Variants in TRIM35 observed in about 807,000 individuals in gnomAD.
TRIM35 encodes tripartite motif containing 35.
TRIM35 carries 37 observed loss-of-function variants against 49.1 expected under a neutral mutation model. The observed-to-expected ratio is 0.75, with a 90% CI of 0.58 to 0.99. The LOEUF is 0.99. Ranked by LOEUF, TRIM35 falls within the 50% of genes least tolerant of loss-of-function variation. The pLI is 0.00. For missense variants in TRIM35, 648 were observed against 702.7 expected (o/e 0.92, Z 0.88); for synonymous variants, 302 against 289.3 (o/e 1.04, Z -0.45).
intron 2 of TRIM35, 106 bp from the exon 3 acceptor site, chr8:27,294,416 T>A: frequency 9.8e-7 from 1 of 1,024,036 alleles, no homozygotes; most frequent in Non-Finnish European, 1.4e-6. Context: ...AAATAAATCA[T>A]GTATAGAACC....
At position 27,311,230 on chromosome 8, in the gene TRIM35, C is replaced by T. The variant is rs1296235150; in HGVS notation, c.6G>A (p.Glu2=). The change falls in exon 1 of 6, where the codon GAG becomes GAA. Residue 2 remains glutamate, a synonymous_variant. Transcript: ENST00000305364. Reference sequence around the variant, plus strand: ...GCCCGGGGGACACGTCGGGACTCCGCTCCATGGCACGAGCAGCCGGCTCGG... The same window carrying T: ...GCCCGGGGGACACGTCGGGACTCCGTTCCATGGCACGAGCAGCCGGCTCGG... M[E]RSPDVSPGPS... 6 of 1,535,890 alleles carry T rather than the reference C, an allele frequency of 3.9e-6. No homozygotes were observed. Among genetic ancestry groups the T allele is most frequent in the Non-Finnish European group, 5.3e-6 (6 of 1,139,394 alleles).
chr8:27,294,120 A>G lies in TRIM35; in HGVS notation c.722T>C (p.Leu241Pro). 1.9e-6 allele frequency: 3 copies of G among 1,614,214 alleles called. No individual in the cohort carries two copies. Among genetic ancestry groups the G allele is most frequent in the South Asian group, 2.2e-5 (2 of 91,082 alleles). ...GTCGTCCTCCTTCATCTCCATCTGC[A>G]GCCGCTCGATCTCATGTGCCAGCAC... is the stretch of plus-strand genomic sequence containing the variant. ...TEVLAHEIER[L>P]QMEMKEDDVS... The change falls in exon 3 of 6, where the codon CTG becomes CCG. Residue 241 changes from leucine (L) to proline (P), a missense_variant. Leu to Pro is a moderately conservative substitution (Grantham distance 98). Transcript: ENST00000305364.
chr8:27,291,749 A>G (rs1427276655), intron 3 of TRIM35, among the ~76,000 whole-genome samples: 3 of 152,218 alleles, frequency 2.0e-5, no homozygotes, highest in Non-Finnish European at 2.9e-5. Context: ...CTGAAGCTGG[A>G]AAGTCCAAGA....
intron 2 of TRIM35, among the ~76,000 whole-genome samples, chr8:27,295,527 T>C (rs147116635): frequency 1.7e-3 from 260 of 152,310 alleles, no homozygotes; most frequent in African/African-American, 5.5e-3. Flanking sequence ...ACTAAAAACA[T>C]CATAGGTTAG....
intron 2 of TRIM35, 29 bp downstream of exon 2, chr8:27,298,435 C>A (rs77389621): frequency 0.041 from 66,254 of 1,606,578 alleles, 1,674 homozygotes; most frequent in Non-Finnish European, 0.049. Context: ...TGGACCCAAT[C>A]TTCCCACTTG....
intron 1 of TRIM35, among the ~76,000 whole-genome samples, chr8:27,303,029 A>G (rs1020766869): frequency 6.6e-6 from 1 of 152,162 alleles, no homozygotes; most frequent in Non-Finnish European, 1.5e-5. Context: ...AAAGCTTTCA[A>G]TGTTTTGCCA....
At chr8:27,305,691 G>A (rs1802769826) in intron 1 of TRIM35, among the ~76,000 whole-genome samples, 1 of 152,190 alleles carries the variant, frequency 6.6e-6, no homozygotes. Context: ...GAGGCTGGTG[G>A]CAAAGAATGG....
intron 3 of TRIM35, among the ~76,000 whole-genome samples, chr8:27,292,423 G>T (rs551366148): frequency 3.9e-5 from 6 of 152,152 alleles, no homozygotes; most frequent in African/African-American, 1.2e-4. Flanking sequence ...TCACTAAGAA[G>T]TGCATGATTA....
intron 1 of TRIM35, chr8:27,304,839 A>T (rs1316887443): frequency 6.6e-6 from 3 of 456,478 alleles, no homozygotes; most frequent in African/African-American, 4.0e-5. Flanking sequence ...GTTGGTAAAA[A>T]GTTCCTTCTC....
chr8:27,305,016 T>C (rs1802755984), intron 1 of TRIM35: 1 of 355,498 alleles, frequency 2.8e-6, no homozygotes, highest in African/African-American at 2.1e-5. Context: ...CAGGTGATCT[T>C]GAACATGTTC....
chr8:27,297,169 A>G (rs939268), intron 2 of TRIM35, among the ~76,000 whole-genome samples: 140,345 of 152,204 alleles, frequency 0.92, 64,885 homozygotes, highest in East Asian at 1. Context: ...TCCACAGCCA[A>G]ATGTTAATGA....
intron 3 of TRIM35, among the ~76,000 whole-genome samples, chr8:27,291,804 C>T (rs1014882616): frequency 6.6e-6 from 1 of 152,100 alleles, no homozygotes; most frequent in African/African-American, 2.4e-5. Context: ...TGTGTCATCC[C>T]ATGGCAGAAG....
At chr8:27,301,199 G>A (rs998362128) in intron 1 of TRIM35, among the ~76,000 whole-genome samples, 2 of 152,202 alleles carry the variant, frequency 1.3e-5, no homozygotes, top group Non-Finnish European at 2.9e-5. Context: ...ACTAAATTAT[G>A]CACTTTACAA....
At chr8:27,295,361 T>C (rs1313151872) in intron 2 of TRIM35, among the ~76,000 whole-genome samples, 1 of 152,180 alleles carries the variant, frequency 6.6e-6, no homozygotes, top group Admixed American at 6.5e-5. Flanking sequence ...GGAAAAACCA[T>C]TCAAAATGTG....
chr8:27,295,743 A>G (rs892364085), intron 2 of TRIM35, among the ~76,000 whole-genome samples: 3 of 152,222 alleles, frequency 2.0e-5, no homozygotes, highest in African/African-American at 7.2e-5. Context: ...ACCACAGTAA[A>G]GTCAAAAAAT....
intron 2 of TRIM35, among the ~76,000 whole-genome samples, chr8:27,294,718 T>C (rs1414293267): frequency 2.6e-5 from 4 of 152,228 alleles, no homozygotes. Context: ...GGACTTAAAA[T>C]TTGTCTGATC....
intron 2 of TRIM35, among the ~76,000 whole-genome samples, chr8:27,295,048 T>C (rs1802537943): frequency 6.6e-6 from 1 of 152,178 alleles, no homozygotes; most frequent in Non-Finnish European, 1.5e-5. Context: ...GGTCTCAAAC[T>C]CCTGACTTAA....
At chr8:27,310,671 G>C in intron 1 of TRIM35, 130 bp downstream of exon 1, 1 of 1,060,176 alleles carries the variant, frequency 9.4e-7, no homozygotes, top group Non-Finnish European at 1.3e-6. Context: ...GGAGAGGTGG[G>C]GTCCTGCATG....
chr8:27,287,609 G>A lies in TRIM35; in HGVS notation c.1423C>T (p.Pro475Ser). 2 of 1,606,666 alleles carry A rather than the reference G, an allele frequency of 1.2e-6. No individual in the cohort carries two copies. Among genetic ancestry groups the A allele is most frequent in the Non-Finnish European group, 8.5e-7 (1 of 1,176,428 alleles). Residue 475 changes from proline (P) to serine (S), a missense_variant, in exon 6 of 6, where the codon CCA becomes TCA. Physicochemically the swap from Pro to Ser is moderately conservative, Grantham distance 74. Coordinates refer to ENST00000305364, the MANE Select transcript of TRIM35 (RefSeq NM_171982.5). This position sits in a 1 kb window ranked among gnomAD's most constrained non-coding sequence, Gnocchi z 6.0. ...YLGGARGAGP[P>S]EPLRICPLHI... ...AAGGGGCAGATGCGCAAAGGCTCTG[G>A]AGGCCCGGCGCCCCGTGCACCCCCC...
Sources: gnomAD v4.1 joint callset for allele counts (sites outside exome capture counted in the v4.1 genomes callset) on GRCh38, gnomAD v4.1.1 for gene constraint, Gnocchi (gnomAD v3.1) non-coding constraint, MANE v1.5 for transcripts, NCBI Gene and HGNC (gene_info 2026-07-23, HGNC 2026-07-21) for gene names.